Variants in FAM120B observed in about 807,000 individuals in gnomAD.
The protein encoded by FAM120B is constitutive coactivator of peroxisome proliferator-activated receptor gamma.
Under a neutral mutation model 96.3 loss-of-function variants are expected in FAM120B, and 83 were observed. The ratio of observed to expected loss-of-function variants is 0.86; its 90% CI spans 0.72 to 1.03. The LOEUF (loss-of-function observed/expected upper bound fraction) is 1.03. Among genes scored for constraint, FAM120B ranks in the 50% least tolerant of loss-of-function variants. FAM120B has a pLI of 0.00. For synonymous variants in FAM120B, 407 were observed against 402.7 expected, an observed-to-expected ratio of 1.01 and a Z score of -0.13; for missense variants, 1,027 against 1,121.2, an observed-to-expected ratio of 0.92 and a Z score of 1.20.
At chr6:170,384,274 G>A (rs775473011) in intron 6 of FAM120B, among the ~76,000 whole-genome samples, 1 of 152,174 alleles carries the variant, frequency 6.6e-6, no homozygotes, top group Non-Finnish European at 1.5e-5. Flanking sequence ...TCCTGGTTTG[G>A]ATATTGCCCT....
Position 170,323,184 on chromosome 6 carries a change from G to A in FAM120B, c.1840G>A (p.Ala614Thr), listed in dbSNP as rs144717218. 2 of 1,614,008 alleles carry A rather than the reference G, an allele frequency of 1.2e-6. No homozygotes were observed. Among genetic ancestry groups the A allele is most frequent in the African/African-American group, 1.3e-5 (1 of 74,900 alleles). Reference protein sequence around the residue: ...SNTLEDELDQALPSQAFIYRP... With the variant: ...SNTLEDELDQTLPSQAFIYRP... ...CACCCTAGAAGATGAGCTTGACCAGGCCTTACCCAGCCAGGCCTTCATTTA... is the reference window on the plus strand; with the variant it reads ...CACCCTAGAAGATGAGCTTGACCAGACCTTACCCAGCCAGGCCTTCATTTA... The change falls in exon 3 of 11, where the codon GCC (alanine) becomes ACC (threonine). Residue 614 changes from alanine to threonine, a missense_variant. Ala to Thr is a moderately conservative substitution (Grantham distance 58, BLOSUM62 0). Transcript: ENST00000476287.
intron 6 of FAM120B, among the ~76,000 whole-genome samples, chr6:170,367,545 G>A (rs1788879116): frequency 6.6e-6 from 1 of 152,264 alleles, no homozygotes; most frequent in South Asian, 2.1e-4. Context: ...TTCCAGAAGA[G>A]CGTGCTGACC....
intron 5 of FAM120B, among the ~76,000 whole-genome samples, chr6:170,350,883 T>A (rs1056669304): frequency 6.6e-6 from 1 of 152,144 alleles, no homozygotes; most frequent in Non-Finnish European, 1.5e-5. Flanking sequence ...GAGCGCCTTT[T>A]CTCCTCCACG....
chr6:170,358,341 G>T, intron 6 of FAM120B, 23 bp downstream of exon 6: 4 of 1,526,806 alleles, frequency 2.6e-6, no homozygotes, highest in Non-Finnish European at 3.6e-6. Flanking sequence ...CCAGTTAGTT[G>T]TCACTGCCCG....
chr6:170,368,301 C>T (rs1039503762), intron 6 of FAM120B, among the ~76,000 whole-genome samples: 2 of 152,228 alleles, frequency 1.3e-5, no homozygotes, highest in Non-Finnish European at 2.9e-5. Flanking sequence ...CCTGTCTTCT[C>T]ACCAGACAGT....
chr6:170,379,053 C>G (rs1789750351), intron 6 of FAM120B, among the ~76,000 whole-genome samples: 2 of 152,114 alleles, frequency 1.3e-5, no homozygotes. Context: ...GAAATGGGAA[C>G]CTTGCTCAAG....
At position 170,309,595 on chromosome 6, in the gene FAM120B, A is replaced by G. The variant is rs1482405375; in HGVS notation, c.-22+2753A>G. ...AATACCTATCTGTGCACATCCGTATATATCTACACACTAGGTTCTATAAAA... is the reference window on the plus strand; with the variant it reads ...AATACCTATCTGTGCACATCCGTATGTATCTACACACTAGGTTCTATAAAA... On this transcript the variant is annotated intron_variant, in intron 1 of 10. Transcript: ENST00000476287. Among the ~76,000 whole-genome samples the G allele has an allele frequency of 2.6e-5, 4 of 152,366 alleles. No individual in the cohort carries two copies. In the East Asian group the frequency reaches 7.7e-4, roughly 29 times the overall value.
chr6:170,347,370 CAG>C (rs1444366417), intron 4 of FAM120B, among the ~76,000 whole-genome samples: 1 of 152,182 alleles, frequency 6.6e-6, no homozygotes, highest in African/African-American at 2.4e-5. Flanking sequence ...TTCTGTTTGT[CAG>C]AGTGTGGAAG....
chr6:170,368,825 G>GT lies in FAM120B; in HGVS notation c.2283+10507_2283+10508insT, dbSNP rs541993199. Among the ~76,000 whole-genome samples, 79 of 136,352 alleles carry GT rather than the reference G, an allele frequency of 5.8e-4. 3 individuals are homozygous for GT. Among genetic ancestry groups the GT allele is most frequent in the South Asian group, 2.6e-3 (9 of 3,498 alleles). The allele number at this position is 136,352 out of a possible 152,430, so 89.5% of individuals were successfully genotyped here. ...GCTCTGCTGTCTGCCGGGGCTGGGG[G>GT]GGGGGCTCCCTCCTGGCTTGCAGGC... On this transcript the variant is annotated intron_variant, in intron 6 of 10. Transcript: ENST00000476287.
At position 170,317,727 on chromosome 6, in the gene FAM120B, T is replaced by C. The variant is rs904966764; in HGVS notation, c.337T>C (p.Ser113Pro). 3 of 1,613,976 alleles carry C rather than the reference T, an allele frequency of 1.9e-6. No individual in the cohort carries two copies. Among genetic ancestry groups the C allele is most frequent in the Admixed American group, 1.7e-5 (1 of 59,996 alleles). ...KRRLKNNREI[S>P]RIFHYIKSHK... ...AAGGCTCAAGAACAACAGGGAGATA[T>C]CCAGGATTTTTCATTACATCAAGTC... The change falls in exon 2 of 11, where the codon TCC (serine) becomes CCC (proline). Residue 113 changes from serine to proline, a missense_variant. This residue lies in a region of FAM120B where 880 missense variants were observed against 980.9 expected (regional missense o/e 0.90). Transcript: ENST00000476287.
At chr6:170,360,022 C>G (rs995746273) in intron 6 of FAM120B, among the ~76,000 whole-genome samples, 1 of 152,188 alleles carries the variant, frequency 6.6e-6, no homozygotes, top group Non-Finnish European at 1.5e-5. Flanking sequence ...AGCTGCTGAG[C>G]CATTTCCATT....
At chr6:170,390,624 T>A (rs7752924) in intron 7 of FAM120B, among the ~76,000 whole-genome samples, 3 of 152,186 alleles carry the variant, frequency 2.0e-5, no homozygotes, top group South Asian at 2.1e-4. Flanking sequence ...GCATTTCTGC[T>A]GAATGTTCTT....
chr6:170,336,443 T>A (rs1386103054), intron 4 of FAM120B, among the ~76,000 whole-genome samples: 1 of 152,208 alleles, frequency 6.6e-6, no homozygotes, highest in Non-Finnish European at 1.5e-5. Flanking sequence ...TGTAGCCTTG[T>A]AGTATAGTTT....
intron 6 of FAM120B, among the ~76,000 whole-genome samples, chr6:170,367,915 G>A (rs989488251): frequency 6.6e-6 from 1 of 152,146 alleles, no homozygotes; most frequent in African/African-American, 2.4e-5. Flanking sequence ...CCTGGATTTG[G>A]GAGTCTGTAG....
intron 4 of FAM120B, among the ~76,000 whole-genome samples, chr6:170,331,709 G>A (rs922502369): frequency 2.0e-5 from 3 of 152,080 alleles, no homozygotes; most frequent in South Asian, 2.1e-4. Flanking sequence ...TTGACTGTTC[G>A]TCATTGTGTC....
At chr6:170,397,118 G>A (rs1430878911) in intron 9 of FAM120B, among the ~76,000 whole-genome samples, 1 of 152,242 alleles carries the variant, frequency 6.6e-6, no homozygotes, top group Non-Finnish European at 1.5e-5. Flanking sequence ...TGACTTGGCG[G>A]ATCTGTCTGC....
intron 8 of FAM120B, 103 bp downstream of exon 8, chr6:170,391,224 G>T (rs1256392185): frequency 1.2e-6 from 1 of 815,674 alleles, no homozygotes; most frequent in Admixed American, 2.0e-5. Context: ...TGATATAATT[G>T]GATGAACAGA....
chr6:170,312,025 A>G (rs1408282075), intron 1 of FAM120B, among the ~76,000 whole-genome samples: 1 of 152,228 alleles, frequency 6.6e-6, no homozygotes, highest in East Asian at 1.9e-4. Flanking sequence ...AGCAGAGTTA[A>G]AGAACTTACG....
Position 170,395,488 on chromosome 6 carries a change from G to T in FAM120B, c.2601G>T (p.Gly867=). 1 of 1,588,782 alleles carries T rather than the reference G, an allele frequency of 6.3e-7. No individual in the cohort carries two copies. The highest frequency in any genetic ancestry group is 1.1e-5 in the South Asian group (1 of 86,958). ...TCTTCTGACTATGTGTTCCCACAGGGAGGTGGGGAAGACAGGGCTCCAGCT... is the reference window on the plus strand; with the variant it reads ...TCTTCTGACTATGTGTTCCCACAGGTAGGTGGGGAAGACAGGGCTCCAGCT... ...GRAHWGSHHA[G]RWGRQGSSYH... is the part of the protein sequence containing the mutation. Residue 867 remains glycine, a splice_region_variant and synonymous_variant, in exon 9 of 11, where the codon GGG becomes GGT. Transcript: ENST00000476287.
Sources: allele counts gnomAD v4.1 joint callset (sites outside exome capture counted in the v4.1 genomes callset), GRCh38; gene constraint gnomAD v4.1.1; regional missense constraint gnomAD v4.1.1; transcripts MANE v1.5; gene names NCBI Gene and HGNC (gene_info 2026-07-23, HGNC 2026-07-21).